CHD5: variants seen among roughly 807,000 people sequenced by gnomAD.
CHD5 encodes the protein ATP-dependent chromatin remodeler CHD5.
Under a neutral mutation model 230.3 loss-of-function variants are expected in CHD5, and 69 were observed. That is an observed-to-expected ratio of 0.30 (90% CI 0.25 to 0.37). The LOEUF is 0.37. Ranked by LOEUF, CHD5 falls within the 10% of genes least tolerant of loss-of-function variation. The pLI is 1.00. For missense variants in CHD5, 1,827 were observed against 2,622.8 expected, an observed-to-expected ratio of 0.70 and a Z score of 6.63; for synonymous variants, 1,064 against 1,065.9, an observed-to-expected ratio of 1.00 and a Z score of 0.03.
chr1:6,166,310 G>T (rs1024461913), intron 2 of CHD5, among the ~76,000 whole-genome samples: 2 of 151,700 alleles, frequency 1.3e-5, no homozygotes, highest in South Asian at 2.1e-4. Flanking sequence ...AGCAGTGGGG[G>T]TGCTGCACAG....
At chr1:6,110,248 G>T in intron 37 of CHD5, 146 bp downstream of exon 37, 1 of 963,516 alleles carries the variant, frequency 1.0e-6, no homozygotes, top group South Asian at 1.6e-5. Flanking sequence ...ACCACTGTTA[G>T]TTGATGGACA....
intron 6 of CHD5, among the ~76,000 whole-genome samples, chr1:6,151,692 G>A (rs569760901): frequency 1.3e-5 from 2 of 152,194 alleles, no homozygotes; most frequent in Non-Finnish European, 2.9e-5. Flanking sequence ...AGCTGAACTG[G>A]ACCGTCAGCT....
chr1:6,122,493 T>C (rs1051015313), intron 31 of CHD5, among the ~76,000 whole-genome samples: 42 of 152,292 alleles, frequency 2.8e-4, no homozygotes, highest in Middle Eastern at 3.4e-3. Flanking sequence ...GAACAATTAC[T>C]GCTGAAGACG....
Position 6,119,560 on chromosome 1 carries a change from A to C in CHD5, c.4912+1545T>G, listed in dbSNP as rs574882223. Among the ~76,000 whole-genome samples, 3 of 152,368 alleles carry C rather than the reference A, an allele frequency of 2.0e-5. No individual in the cohort carries two copies. The East Asian group carries it at 5.8e-4, about 29-fold the overall frequency. On this transcript the variant is annotated intron_variant, in intron 33 of 41. Transcript: ENST00000262450. The stretch of plus-strand genomic sequence containing the variant: ...AGCAAAATCTGGCATTATAAGAAAG[A>C]GATTAATCCATAATCATAATGAGAG...
rs977921758 is a variant in CHD5 at position 6,178,451 on chromosome 1, T to C, written c.79+1494A>G. Among the ~76,000 whole-genome samples the C allele has an allele frequency of 2.0e-4, 30 of 151,904 alleles. 1 individual carries two copies. The highest frequency in any genetic ancestry group is 7.0e-4 in the African/African-American group (29 of 41,336). On this transcript the variant is annotated intron_variant, in intron 1 of 41. Coordinates refer to ENST00000262450, the MANE Select transcript of CHD5 (RefSeq NM_015557.3). ...CACCCCAAACACCATAACAAACAACTTGCTGAGAAAACCAGTAAACTGGCT... is the reference window on the plus strand; with the variant it reads ...CACCCCAAACACCATAACAAACAACCTGCTGAGAAAACCAGTAAACTGGCT...
chr1:6,109,303 C>T lies in CHD5; in HGVS notation c.5578+492G>A, dbSNP rs114637096. Among the ~76,000 whole-genome samples, 1,472 of 152,182 alleles carry T rather than the reference C, an allele frequency of 9.7e-3. 20 individuals are homozygous for T. The highest frequency in any genetic ancestry group is 0.033 in the African/African-American group (1,371 of 41,470). ...CAACTCTCACCACAGGGCCACCCCT[C>T]CCCCAACCAGCCGGGAGCCCCGAGG... On this transcript the variant is annotated intron_variant, in intron 38 of 41. Transcript: ENST00000262450.
At chr1:6,135,832 A>AC (rs1428885758) in intron 17 of CHD5, among the ~76,000 whole-genome samples, 3 of 151,702 alleles carry the variant, frequency 2.0e-5, no homozygotes, top group Non-Finnish European at 4.4e-5. Flanking sequence ...ATATGATGAA[A>AC]CCCCAACTCT....
At chr1:6,150,542 G>A (rs1488524579) in intron 7 of CHD5, among the ~76,000 whole-genome samples, 5 of 151,330 alleles carry the variant, frequency 3.3e-5, no homozygotes, top group Admixed American at 1.3e-4. Context: ...GATAGCTGAC[G>A]GATGGATGGA....
chr1:6,137,353 C>T (rs1359851754), intron 15 of CHD5, among the ~76,000 whole-genome samples: 1 of 152,194 alleles, frequency 6.6e-6, no homozygotes, highest in East Asian at 1.9e-4. Context: ...GTGAACCGCC[C>T]ACCTCGACCT....
intron 29 of CHD5, among the ~76,000 whole-genome samples, 195 bp downstream of exon 29, chr1:6,124,905 C>T (rs971165325): frequency 1.3e-4 from 20 of 152,234 alleles, no homozygotes; most frequent in African/African-American, 4.8e-4. Context: ...TGGGCAGGGG[C>T]GGATGGTCAG....
rs1666615467 is a variant in CHD5, at chr1:6,129,343, G to A, written c.3388-274C>T. On this transcript the variant is annotated intron_variant, in intron 22 of 41. Coordinates refer to ENST00000262450, the MANE Select transcript of CHD5 (RefSeq NM_015557.3). This position sits in a 1 kb window ranked among gnomAD's most constrained non-coding sequence, Gnocchi z 6.8. ...ACTGCAGGTGTGCAAGAGTGTGTGA[G>A]GGATGATACGGCCAGTGTGCTGGGT... Among the ~76,000 whole-genome samples the A allele has an allele frequency of 1.3e-5, 2 of 152,206 alleles. No homozygotes were observed. The highest frequency in any genetic ancestry group is 2.9e-5 in the Non-Finnish European group (2 of 68,030).
chr1:6,130,612 CAA>C lies in CHD5; in HGVS notation c.3263-286_3263-285del, dbSNP rs1666639876. Among the ~76,000 whole-genome samples, 1 of 152,162 alleles carries C rather than the reference CAA, an allele frequency of 6.6e-6. No homozygotes were observed. Among genetic ancestry groups the C allele is most frequent in the Non-Finnish European group, 1.5e-5 (1 of 68,018 alleles). On this transcript the variant is annotated intron_variant, in intron 21 of 41. Transcript: ENST00000262450. This position sits in a 1 kb window ranked among gnomAD's most constrained non-coding sequence, Gnocchi z 4.9. ...TTTCAAACCCCAGATGAGCAAAAAA[CAA>C]AGTGCAAGCCGCCAGCAAGTACAAG...
intron 33 of CHD5, among the ~76,000 whole-genome samples, chr1:6,115,025 A>C (rs12139922): frequency 7.0e-6 from 1 of 142,646 alleles, no homozygotes; most frequent in African/African-American, 2.6e-5. Flanking sequence ...AAAAAAAAAA[A>C]GGGGGGGGCA....
rs1437541327 is a variant in CHD5, at chr1:6,102,837, G to T, written c.*2637C>A. 6.6e-6 allele frequency: 1 copy of T among 152,272 alleles called. No homozygotes were observed. The highest frequency in any genetic ancestry group is 1.5e-5 in the Non-Finnish European group (1 of 68,038). 9.4% of individuals were successfully genotyped at this position (152,272 alleles called of 1,614,324 possible). A position where few individuals can be genotyped will look rare whatever the true frequency, so the allele number is the denominator to read the frequency against. On this transcript the variant is annotated 3_prime_UTR_variant, in exon 42 of 42. Transcript: ENST00000262450. ...ACGGGGGACGCTGCTTCTGCCTCAG[G>T]CGTGTATGAGAGGGCCCTGCAGACG...
chr1:6,121,647 G>T lies in CHD5; in HGVS notation c.4700-74C>A. On this transcript the variant is annotated intron_variant, in intron 31 of 41. Transcript: ENST00000262450. This position sits in a 1 kb window ranked among gnomAD's most constrained non-coding sequence, Gnocchi z 4.5. ...GAGTAGGGCAGGGAGTGGGGTGGCAGAGAGGAGAGATGGGGGCTTGGCCTT... is the reference window on the plus strand; with the variant it reads ...GAGTAGGGCAGGGAGTGGGGTGGCATAGAGGAGAGATGGGGGCTTGGCCTT... 1.8e-6 allele frequency: 2 copies of T among 1,095,688 alleles called. No individual in the cohort carries two copies. Among genetic ancestry groups the T allele is most frequent in the Non-Finnish European group, 2.7e-6 (2 of 740,586 alleles). 67.9% of individuals were successfully genotyped at this position (1,095,688 alleles called of 1,614,324 possible). A position where few individuals can be genotyped will look rare whatever the true frequency, so the allele number is the denominator to read the frequency against.
In CHD5 at chr1:6,129,001, G is replaced by C; in HGVS notation, c.3456C>G (p.Ala1152=). 1.2e-6 allele frequency: 2 copies of C among 1,612,052 alleles called. No homozygotes were observed. Among genetic ancestry groups the C allele is most frequent in the Non-Finnish European group, 8.5e-7 (1 of 1,179,874 alleles). ...KVMIYRFVTR[A]SVEERITQVA... ...CCTGCGTGATGCGCTCCTCCACCGAGGCCCGAGTCACGAAGCGGTAGATCA... is the reference window on the plus strand; with the variant it reads ...CCTGCGTGATGCGCTCCTCCACCGACGCCCGAGTCACGAAGCGGTAGATCA... The change falls in exon 23 of 42, where the codon GCC becomes GCG. Residue 1152 remains alanine, a synonymous_variant. Transcript: ENST00000262450. The surrounding 1 kb of genome is among the most constrained non-coding windows in gnomAD (Gnocchi z 6.8).
In CHD5 at chr1:6,142,118, G is replaced by C. The variant is rs200094348; in HGVS notation, c.2436+10C>G. 853 of 1,608,768 alleles carry C rather than the reference G, an allele frequency of 5.3e-4. 2 individuals are homozygous for C. Among genetic ancestry groups the C allele is most frequent in the Non-Finnish European group, 7.0e-4 (824 of 1,175,536 alleles). On this transcript the variant is annotated intron_variant, in intron 15 of 41. Transcript: ENST00000262450. This position sits in a 1 kb window ranked among gnomAD's most constrained non-coding sequence, Gnocchi z 5.2. ...TTCCTACCGTCCTTCCAAGGATAGC[G>C]AGCCCTCACCTTCATACGGAATACC...
chr1:6,152,288 A>T, intron 6 of CHD5, 124 bp downstream of exon 6: 1 of 1,044,222 alleles, frequency 9.6e-7, no homozygotes, highest in Non-Finnish European at 1.4e-6. Flanking sequence ...AGAATAGTGG[A>T]GGGGTGCGAC....
intron 1 of CHD5, among the ~76,000 whole-genome samples, chr1:6,170,029 G>C (rs897300920): frequency 2.0e-5 from 3 of 152,118 alleles, no homozygotes; most frequent in Non-Finnish European, 4.4e-5. Context: ...CCCAGGAAGG[G>C]GGCAGAGTGT....
Sources: allele counts gnomAD v4.1 joint callset (sites outside exome capture counted in the v4.1 genomes callset), GRCh38; gene constraint gnomAD v4.1.1; non-coding constraint Gnocchi (gnomAD v3.1); transcripts MANE v1.5; gene names NCBI Gene and HGNC (gene_info 2026-07-23, HGNC 2026-07-21).